Variants in ROR1 observed in about 807,000 individuals in gnomAD.
The protein encoded by ROR1 is inactive tyrosine-protein kinase transmembrane receptor ROR1.
Under a neutral mutation model 78.8 loss-of-function variants are expected in ROR1, and 19 were observed. That is an observed-to-expected ratio of 0.24 (90% CI 0.17 to 0.35). The LOEUF (loss-of-function observed/expected upper bound fraction) is 0.35, where lower values mean the gene tolerates loss of function less well. Among genes scored for constraint, ROR1 ranks in the 10% least tolerant of loss-of-function variants. ROR1 has a pLI of 1.00. For synonymous variants in ROR1, 386 were observed against 433.6 expected (o/e 0.89, Z 1.36); for missense variants, 917 against 1,177.8 (o/e 0.78, Z 3.24).
intron 4 of ROR1, among the ~76,000 whole-genome samples, chr1:64,132,318 A>C (rs11208362): frequency 0.027 from 4,122 of 152,108 alleles, 202 homozygotes; most frequent in African/African-American, 0.095. Flanking sequence ...TGAACACCTG[A>C]GTTGTTCCCA....
intron 1 of ROR1, among the ~76,000 whole-genome samples, chr1:63,821,279 T>A (rs1273209841): frequency 6.6e-6 from 1 of 152,192 alleles, no homozygotes; most frequent in African/African-American, 2.4e-5. Context: ...GTTCTGATGG[T>A]GAAATTTGAA....
intron 1 of ROR1, among the ~76,000 whole-genome samples, chr1:63,945,669 T>C (rs1371613904): frequency 6.6e-6 from 1 of 152,214 alleles, no homozygotes; most frequent in Non-Finnish European, 1.5e-5. Flanking sequence ...CTACACTTAT[T>C]TGGCCCTTAA....
chr1:63,946,316 C>G (rs1037445262), intron 1 of ROR1, among the ~76,000 whole-genome samples: 4 of 152,168 alleles, frequency 2.6e-5, no homozygotes, highest in African/African-American at 9.7e-5. Flanking sequence ...AGAACATCTT[C>G]CAGATATAAC....
chr1:64,069,171 A>T (rs956496192), intron 4 of ROR1, among the ~76,000 whole-genome samples: 1 of 151,856 alleles, frequency 6.6e-6, no homozygotes, highest in Non-Finnish European at 1.5e-5. Context: ...GGCGGGGGGA[A>T]CTTTAAAAAA....
At chr1:64,034,924 A>G (rs1646689844) in intron 2 of ROR1, among the ~76,000 whole-genome samples, 1 of 149,344 alleles carries the variant, frequency 6.7e-6, no homozygotes, top group Non-Finnish European at 1.5e-5. Context: ...GTAGATACCT[A>G]CCTTTCCATA....
chr1:64,037,133 A>C (rs192446766), intron 2 of ROR1, among the ~76,000 whole-genome samples: 17 of 152,254 alleles, frequency 1.1e-4, no homozygotes, highest in Admixed American at 2.0e-4. Flanking sequence ...TCACTTCTGC[A>C]ACATTCTGTT....
chr1:63,918,935 A>G (rs958651926), intron 1 of ROR1, among the ~76,000 whole-genome samples: 12 of 152,212 alleles, frequency 7.9e-5, no homozygotes, highest in Admixed American at 3.3e-4. Context: ...ATCTTTTTAA[A>G]AAGATAAGTT....
intron 1 of ROR1, among the ~76,000 whole-genome samples, chr1:63,959,794 C>T (rs1287078468): frequency 6.6e-6 from 1 of 152,126 alleles, no homozygotes; most frequent in Admixed American, 6.6e-5. Context: ...AAGTCCTTAC[C>T]CTCCAGCTGT....
intron 4 of ROR1, among the ~76,000 whole-genome samples, chr1:64,075,847 C>T (rs972153890): frequency 3.9e-5 from 6 of 152,166 alleles, no homozygotes; most frequent in African/African-American, 1.4e-4. Flanking sequence ...TATGGTTCTG[C>T]CCACACCTTT....
At chr1:64,071,177 C>T (rs933443984) in intron 4 of ROR1, among the ~76,000 whole-genome samples, 1 of 152,100 alleles carries the variant, frequency 6.6e-6, no homozygotes, top group Non-Finnish European at 1.5e-5. Flanking sequence ...CTTAGCTGTG[C>T]AAGCCAGTGT....
chr1:63,963,257 T>C (rs1323158128), intron 1 of ROR1, among the ~76,000 whole-genome samples: 2 of 152,276 alleles, frequency 1.3e-5, no homozygotes, highest in East Asian at 3.9e-4. Flanking sequence ...TCTCCTAATA[T>C]CTATTTCTCT....
intron 4 of ROR1, among the ~76,000 whole-genome samples, chr1:64,107,311 G>C (rs1647863541): frequency 6.6e-6 from 1 of 152,174 alleles, no homozygotes; most frequent in Non-Finnish European, 1.5e-5. Flanking sequence ...TTTGAACTTA[G>C]AATGTCTGGC....
At chr1:64,115,145 T>G (rs942945988) in intron 4 of ROR1, among the ~76,000 whole-genome samples, 1 of 151,742 alleles carries the variant, frequency 6.6e-6, no homozygotes, top group Non-Finnish European at 1.5e-5. Flanking sequence ...TTCATTGAAG[T>G]GATTTTAAGT....
At chr1:63,828,253 G>A (rs1393966221) in intron 1 of ROR1, among the ~76,000 whole-genome samples, 1 of 152,134 alleles carries the variant, frequency 6.6e-6, no homozygotes, top group African/African-American at 2.4e-5. Context: ...GAAAAATAAT[G>A]CATAGCAAAT....
At chr1:64,042,254 A>T (rs990274964) in intron 2 of ROR1, among the ~76,000 whole-genome samples, 2 of 152,178 alleles carry the variant, frequency 1.3e-5, no homozygotes, top group African/African-American at 4.8e-5. Context: ...TAGAATCTCT[A>T]AGGGTGGGAC....
intron 1 of ROR1, among the ~76,000 whole-genome samples, chr1:63,942,658 G>C (rs1490878775): frequency 5.3e-5 from 8 of 152,160 alleles, no homozygotes; most frequent in Non-Finnish European, 7.3e-5. Context: ...CTGTGCAGCA[G>C]ATACCAGTAT....
intron 1 of ROR1, among the ~76,000 whole-genome samples, chr1:63,883,876 G>A (rs576193081): frequency 6.6e-6 from 1 of 152,152 alleles, no homozygotes; most frequent in African/African-American, 2.4e-5. Context: ...GGCTAAATGG[G>A]TTCCTGCTCA....
chr1:63,891,203 T>C (rs138539162), intron 1 of ROR1, among the ~76,000 whole-genome samples: 22 of 152,340 alleles, frequency 1.4e-4, no homozygotes, highest in African/African-American at 4.1e-4. Context: ...TGATTGGTTA[T>C]ATTATTGTTT....
intron 4 of ROR1, chr1:64,113,513 G>C (rs1179339622): frequency 1.3e-5 from 2 of 152,128 alleles, no homozygotes; most frequent in African/African-American, 4.8e-5. Flanking sequence ...AAGTTTCCAA[G>C]CCATTCTTAT....
Sources: allele counts gnomAD v4.1 joint callset (sites outside exome capture counted in the v4.1 genomes callset), GRCh38; gene constraint gnomAD v4.1.1; transcripts MANE v1.5; gene names NCBI Gene and HGNC (gene_info 2026-07-23, HGNC 2026-07-21).